The following TNFRSF8 variants were observed in gnomAD, a reference collection of about 807,000 sequenced individuals.
TNFRSF8 encodes the protein TNF receptor superfamily member 8, also known as tumor necrosis factor receptor superfamily member 8.
TNFRSF8 carries 26 observed loss-of-function variants against 70.8 expected under a neutral mutation model. The ratio of observed to expected loss-of-function variants is 0.37; its 90% CI spans 0.27 to 0.51. The LOEUF (loss-of-function observed/expected upper bound fraction) is 0.51. Ranked by LOEUF, TNFRSF8 falls within the 20% of genes least tolerant of loss-of-function variation. The probability of loss-of-function intolerance (pLI) is 0.94; values close to 1 mark genes in which losing one functional copy is unlikely to be tolerated. For synonymous variants in TNFRSF8, 356 were observed against 339.2 expected (o/e 1.05, Z -0.54); for missense variants, 720 against 807.9 (o/e 0.89, Z 1.32).
rs191737798 is a variant in TNFRSF8, at chr1:12,078,626, C to T, written c.64-5838C>T. Among the ~76,000 whole-genome samples the T allele has an allele frequency of 3.6e-3, 550 of 152,144 alleles. 3 individuals carry two copies. Among genetic ancestry groups the T allele is most frequent in the African/African-American group, 0.012 (518 of 41,514 alleles). ...GAGTGGGGAGCAGGGATCTCAGAGC[C>T]CTGAACTACAGCACCCCCCCACCCC... On this transcript the variant is annotated intron_variant, in intron 1 of 14. Coordinates refer to ENST00000263932, the MANE Select transcript of TNFRSF8 (RefSeq NM_001243.5).
chr1:12,063,559 G>A lies in TNFRSF8; in HGVS notation c.-40G>A. On this transcript the variant is annotated 5_prime_UTR_variant, in exon 1 of 15. Transcript: ENST00000263932. The surrounding 1 kb of genome is among the most constrained non-coding windows in gnomAD (Gnocchi z 7.2). ...CGCGCGCTTCCCCCGCTTCCCAGGTGGGCGCCGGCCGCCAGGCCACCTCAC... is the reference window on the plus strand; with the variant it reads ...CGCGCGCTTCCCCCGCTTCCCAGGTAGGCGCCGGCCGCCAGGCCACCTCAC... The A allele has an allele frequency of 7.7e-7, 1 of 1,301,096 alleles. No individual in the cohort carries two copies. The highest frequency in any genetic ancestry group is 2.2e-5 in the South Asian group (1 of 44,448). The allele number at this position is 1,301,096 out of a possible 1,614,324, so 80.6% of individuals were successfully genotyped here.
rs1402332201 is a variant in TNFRSF8 at position 12,063,721 on chromosome 1, G to T, written c.63+60G>T. The T allele has an allele frequency of 1.6e-6, 2 of 1,248,006 alleles. No homozygotes were observed. The highest frequency in any genetic ancestry group is 2.0e-6 in the Non-Finnish European group (2 of 985,846). 77.3% of individuals were successfully genotyped at this position (1,248,006 alleles called of 1,614,324 possible). ...CGGTCCAGAGCCCGGACAGTGTGGG[G>T]TGCGTGGGACGCAAGGGAGGACACT... On this transcript the variant is annotated intron_variant, in intron 1 of 14. Coordinates refer to ENST00000263932, the MANE Select transcript of TNFRSF8 (RefSeq NM_001243.5). The surrounding 1 kb of genome is among the most constrained non-coding windows in gnomAD (Gnocchi z 7.2).
At chr1:12,092,166 T>C (rs1641257810) in intron 2 of TNFRSF8, among the ~76,000 whole-genome samples, 1 of 152,178 alleles carries the variant, frequency 6.6e-6, no homozygotes, top group Non-Finnish European at 1.5e-5. Context: ...TTATTTATTT[T>C]ATTTCATCTG....
intron 12 of TNFRSF8, among the ~76,000 whole-genome samples, chr1:12,128,866 G>T (rs1175468400): frequency 8.0e-6 from 1 of 124,452 alleles, no homozygotes; most frequent in Non-Finnish European, 1.6e-5. Context: ...ACAGAGTCTC[G>T]CTCTGTCACC....
In TNFRSF8 at chr1:12,123,731, A is replaced by G. The variant is rs1641877280; in HGVS notation, c.1057A>G (p.Ser353Gly). The change falls in exon 10 of 15, where the codon AGC becomes GGC. Residue 353 changes from serine to glycine, a missense_variant. Physicochemically the swap from Ser to Gly is moderately conservative, Grantham distance 56. Coordinates refer to ENST00000263932, the MANE Select transcript of TNFRSF8 (RefSeq NM_001243.5). Reference sequence around the variant, plus strand: ...TCCCCGCAGCACCAGCCCCACTCAGAGCTTGCTGGTGGACTCCCAGGCCAG... The same window carrying G: ...TCCCCGCAGCACCAGCCCCACTCAGGGCTTGCTGGTGGACTCCCAGGCCAG... ...EAPASTSPTQSLLVDSQASKT... is the reference protein window; with the variant it reads ...EAPASTSPTQGLLVDSQASKT... 1.3e-6 allele frequency: 2 copies of G among 1,566,668 alleles called. No homozygotes were observed. Among genetic ancestry groups the G allele is most frequent in the Admixed American group, 1.9e-5 (1 of 53,054 alleles).
intron 12 of TNFRSF8, 138 bp from the exon 13 acceptor site, chr1:12,135,450 C>G: frequency 8.2e-7 from 1 of 1,220,242 alleles, no homozygotes. Context: ...ATCGAGGGCT[C>G]TCCAGACTGA....
chr1:12,099,040 T>C (rs537703342), intron 3 of TNFRSF8, among the ~76,000 whole-genome samples: 1 of 152,362 alleles, frequency 6.6e-6, no homozygotes, highest in South Asian at 2.1e-4. Flanking sequence ...TGATTCATCA[T>C]TTGAGTGATT....
In TNFRSF8 at chr1:12,142,681, G is replaced by T. The variant is rs1570096470; in HGVS notation, c.*150G>T. Reference sequence around the variant, plus strand: ...GGTGGACCGGCCGGTCACTGCAGGGGTCTGGTGGTCTCTGCTTGCATCCCC... The same window carrying T: ...GGTGGACCGGCCGGTCACTGCAGGGTTCTGGTGGTCTCTGCTTGCATCCCC... On this transcript the variant is annotated 3_prime_UTR_variant, in exon 15 of 15. Transcript: ENST00000263932. This position sits in a 1 kb window ranked among gnomAD's most constrained non-coding sequence, Gnocchi z 5.0. 9.3e-7 allele frequency: 1 copy of T among 1,071,938 alleles called. No individual in the cohort carries two copies. The highest frequency in any genetic ancestry group is 1.6e-5 in the African/African-American group (1 of 62,932). The allele number at this position is 1,071,938 out of a possible 1,614,324, so 66.4% of individuals were successfully genotyped here.
chr1:12,125,811 G>C, intron 10 of TNFRSF8, 140 bp from the exon 11 acceptor site: 1 of 750,636 alleles, frequency 1.3e-6, no homozygotes, highest in East Asian at 2.4e-5. Context: ...GATGAGATAA[G>C]AGCCTTGGCT....
chr1:12,081,092 A>C (rs796929129), intron 1 of TNFRSF8, among the ~76,000 whole-genome samples: 9 of 152,224 alleles, frequency 5.9e-5, no homozygotes, highest in African/African-American at 2.2e-4. Flanking sequence ...CCAAGGCCAG[A>C]CTCGGGGGAG....
At chr1:12,082,954 A>G (rs938873306) in intron 1 of TNFRSF8, among the ~76,000 whole-genome samples, 3 of 152,202 alleles carry the variant, frequency 2.0e-5, no homozygotes, top group African/African-American at 7.2e-5. Flanking sequence ...CCTACACATC[A>G]ATAAGAAAAG....
At chr1:12,073,947 C>T (rs1030381728) in intron 1 of TNFRSF8, among the ~76,000 whole-genome samples, 5 of 152,218 alleles carry the variant, frequency 3.3e-5, no homozygotes, top group South Asian at 2.1e-4. Context: ...TGTTGCTGCC[C>T]GGGAACGTAC....
chr1:12,103,969 G>A (rs1641470165), intron 3 of TNFRSF8, among the ~76,000 whole-genome samples: 1 of 152,110 alleles, frequency 6.6e-6, no homozygotes, highest in African/African-American at 2.4e-5. Flanking sequence ...CCATCACCGT[G>A]GCATCCAGAA....
chr1:12,090,194 C>A (rs545189620), intron 2 of TNFRSF8, among the ~76,000 whole-genome samples: 1 of 142,740 alleles, frequency 7.0e-6, no homozygotes, highest in South Asian at 2.3e-4. Context: ...TCTTCCCTAA[C>A]CCATCCATCT....
At chr1:12,100,270 A>G (rs536750970) in intron 3 of TNFRSF8, among the ~76,000 whole-genome samples, 7 of 152,306 alleles carry the variant, frequency 4.6e-5, no homozygotes, top group South Asian at 4.1e-4. Flanking sequence ...GGGTGAGTCA[A>G]TGAGTAAGTG....
At position 12,108,297 on chromosome 1, in the gene TNFRSF8, C is replaced by T. The variant is rs1279767560; in HGVS notation, c.422-1269C>T. Among the ~76,000 whole-genome samples the T allele has an allele frequency of 1.3e-5, 2 of 149,926 alleles. No homozygotes were observed. Among genetic ancestry groups the T allele is most frequent in the Non-Finnish European group, 3.0e-5 (2 of 67,610 alleles). Reference sequence around the variant, plus strand: ...GTTTCACTATGTTGTCCAGGCTGGTCTCGAACTCCTGACCTCATGATCCGC... The same window carrying T: ...GTTTCACTATGTTGTCCAGGCTGGTTTCGAACTCCTGACCTCATGATCCGC... On this transcript the variant is annotated intron_variant, in intron 4 of 14. Coordinates refer to ENST00000263932, the MANE Select transcript of TNFRSF8 (RefSeq NM_001243.5). The surrounding 1 kb of genome is among the most constrained non-coding windows in gnomAD (Gnocchi z 4.0).
chr1:12,117,969 T>C (rs1641762446), intron 8 of TNFRSF8, among the ~76,000 whole-genome samples: 1 of 152,190 alleles, frequency 6.6e-6, no homozygotes, highest in Non-Finnish European at 1.5e-5. Context: ...TGTGTCTGAA[T>C]GTCTGCACTT....
intron 13 of TNFRSF8, 77 bp downstream of exon 13, chr1:12,135,690 T>A: frequency 6.3e-7 from 1 of 1,580,040 alleles, no homozygotes; most frequent in Non-Finnish European, 8.6e-7. Flanking sequence ...TCTGAAGTTT[T>A]GAGAGCTGCT....
At chr1:12,117,524 C>T (rs138856370) in intron 8 of TNFRSF8, among the ~76,000 whole-genome samples, 13 of 152,272 alleles carry the variant, frequency 8.5e-5, no homozygotes, top group Non-Finnish European at 1.8e-4. Context: ...AGCCACACCC[C>T]ATCACCCTGA....
Sources: gnomAD v4.1 joint callset for allele counts (sites outside exome capture counted in the v4.1 genomes callset) on GRCh38, gnomAD v4.1.1 for gene constraint, Gnocchi (gnomAD v3.1) non-coding constraint, MANE v1.5 for transcripts, NCBI Gene and HGNC (gene_info 2026-07-23, HGNC 2026-07-21) for gene names.